The following BTNL9 variants were observed in gnomAD, a reference collection of about 807,000 sequenced individuals.
BTNL9 encodes butyrophilin-like protein 9.
BTNL9 carries 45 observed loss-of-function variants against 45.8 expected under a neutral mutation model. The ratio of observed to expected loss-of-function variants is 0.98; its 90% CI spans 0.77 to 1.26. The LOEUF is 1.26. Ranked by LOEUF, BTNL9 falls within the 50% of genes most tolerant of loss-of-function variation. The pLI is 0.00. For synonymous variants in BTNL9, 346 were observed against 330.8 expected, an observed-to-expected ratio of 1.05 and a Z score of -0.50; for missense variants, 784 against 729.7, an observed-to-expected ratio of 1.07 and a Z score of -0.86.
In BTNL9 at chr5:181,048,328, A is replaced by G. The variant is rs903473523; in HGVS notation, c.454+57A>G. ...AGAGGGAGATCCAGGTGCTTTGCCA[A>G]GTAGAGGTGGAGTCACAGAGAACAG... is the stretch of plus-strand genomic sequence containing the variant. On this transcript the variant is annotated intron_variant, in intron 3 of 10. Transcript: ENST00000327705. 9.0e-6 allele frequency: 13 copies of G among 1,449,984 alleles called. No individual in the cohort carries two copies. The African/African-American group carries it at 1.7e-4, about 19-fold the overall frequency. The allele number at this position is 1,449,984 out of a possible 1,614,324, so 89.8% of individuals were successfully genotyped here.
intron 4 of BTNL9, chr5:181,052,925 G>A (rs1761636359): frequency 6.6e-6 from 1 of 151,780 alleles, no homozygotes; most frequent in Non-Finnish European, 1.5e-5. Flanking sequence ...GAAGACGCGG[G>A]GCGAGGGCGG....
At position 181,060,157 on chromosome 5, in the gene BTNL9, T is replaced by C. The variant is rs1030489142; in HGVS notation, c.*295T>C. ...GTGGGCGGTGGGCAAGAAGCCAGCATGGAAGAAAGAAGGGAGAAAACTTTG... is the reference window on the plus strand; with the variant it reads ...GTGGGCGGTGGGCAAGAAGCCAGCACGGAAGAAAGAAGGGAGAAAACTTTG... On this transcript the variant is annotated 3_prime_UTR_variant, in exon 11 of 11. Transcript: ENST00000327705. The C allele has an allele frequency of 9.6e-6, 4 of 416,616 alleles. No homozygotes were observed. The highest frequency in any genetic ancestry group is 2.0e-5 in the African/African-American group (1 of 49,346). The allele number at this position is 416,616 out of a possible 1,614,324, so 25.8% of individuals were successfully genotyped here.
Position 181,059,694 on chromosome 5 carries a change from C to T in BTNL9, c.1440C>T (p.Gly480=). 1 of 1,613,664 alleles carries T rather than the reference C, an allele frequency of 6.2e-7. No homozygotes were observed. The change falls in exon 11 of 11, where the codon GGC becomes GGT. Residue 480 remains glycine (G), a synonymous_variant. Coordinates refer to ENST00000327705, the MANE Select transcript of BTNL9 (RefSeq NM_152547.5). ...TCACCTTCCACGACACCTTCTCGGG[C>T]GCGCTCTGTGCGTACTTCAGGCCCA... ...HIFTFHDTFS[G]ALCAYFRPRA... is the part of the protein sequence containing the mutation.
At position 181,060,224 on chromosome 5, in the gene BTNL9, A is replaced by G. The variant is rs1762097804; in HGVS notation, c.*362A>G. The G allele has an allele frequency of 4.4e-6, 1 of 225,830 alleles. No homozygotes were observed. Among genetic ancestry groups the G allele is most frequent in the Non-Finnish European group, 8.5e-6 (1 of 117,036 alleles). 14.0% of individuals were successfully genotyped at this position (225,830 alleles called of 1,614,324 possible). On this transcript the variant is annotated 3_prime_UTR_variant, in exon 11 of 11. Transcript: ENST00000327705. ...GATCAGTTAATTTGTATAGTTTTAT[A>G]TTTTTTGTATATGTTTGCTAGCTCT...
chr5:181,050,101 C>T lies in BTNL9; in HGVS notation c.468C>T (p.Asp156=), dbSNP rs1761452778. ...WELEVAGLGS[D]PHLSLEGFKE... ...TGCCTCCACCAGGGCTGGGCTCAGA[C>T]CCTCACCTCTCCCTTGAGGGCTTCA... Residue 156 remains aspartate (D), a synonymous_variant, in exon 4 of 11, where the codon GAC becomes GAT. Coordinates refer to ENST00000327705, the MANE Select transcript of BTNL9 (RefSeq NM_152547.5). The surrounding 1 kb of genome is among the most constrained non-coding windows in gnomAD (Gnocchi z 4.9). 1 of 1,613,728 alleles carries T rather than the reference C, an allele frequency of 6.2e-7. No homozygotes were observed. Among genetic ancestry groups the T allele is most frequent in the African/African-American group, 1.3e-5 (1 of 75,052 alleles).
At chr5:181,045,660 C>G (rs1194909684) in intron 2 of BTNL9, 62 bp downstream of exon 2, 32 of 1,316,350 alleles carry the variant, frequency 2.4e-5, no homozygotes, top group Non-Finnish European at 3.4e-5. Context: ...CAGGTGCTCC[C>G]CAGGGCTACG....
rs1761718483 is a variant in BTNL9, at chr5:181,053,822, C to T, written c.886+321C>T. On this transcript the variant is annotated intron_variant, in intron 6 of 10. Coordinates refer to ENST00000327705, the MANE Select transcript of BTNL9 (RefSeq NM_152547.5). This position sits in a 1 kb window ranked among gnomAD's most constrained non-coding sequence, Gnocchi z 6.5. ...ACCAGGGTCTCTGCTGCCAGCGCCA[C>T]CTCGTCCAGGTTTTCATAGCGCACA... 5.9e-6 allele frequency: 9 copies of T among 1,517,558 alleles called. No homozygotes were observed. The highest frequency in any genetic ancestry group is 2.0e-5 in the Admixed American group (1 of 50,410). The allele number at this position is 1,517,558 out of a possible 1,614,324, so 94.0% of individuals were successfully genotyped here. A position where few individuals can be genotyped will look rare whatever the true frequency, so the allele number is the denominator to read the frequency against.
rs1427187396 is a variant in BTNL9, at chr5:181,060,674, T to G, written c.*812T>G. 9 of 152,174 alleles carry G rather than the reference T, an allele frequency of 5.9e-5. No homozygotes were observed. Among genetic ancestry groups the G allele is most frequent in the Admixed American group, 4.6e-4 (7 of 15,274 alleles). 9.4% of individuals were successfully genotyped at this position (152,174 alleles called of 1,614,324 possible). A position where few individuals can be genotyped will look rare whatever the true frequency, so the allele number is the denominator to read the frequency against. ...TGAGAGTCTTGGAGAACAGGCTGTT[T>G]CCAGTCTCAAAGCAGTAACCTTATA... On this transcript the variant is annotated 3_prime_UTR_variant, in exon 11 of 11. Coordinates refer to ENST00000327705, the MANE Select transcript of BTNL9 (RefSeq NM_152547.5).
chr5:181,058,657 CAG>C (rs1163033812), intron 10 of BTNL9, among the ~76,000 whole-genome samples: 1 of 152,098 alleles, frequency 6.6e-6, no homozygotes, highest in African/African-American at 2.4e-5. Flanking sequence ...GGCGAGAGTG[CAG>C]AGTCTGTAAT....
At position 181,042,964 on chromosome 5, in the gene BTNL9, G is replaced by A. The variant is rs544999636; in HGVS notation, c.-23-2503G>A. 2.1e-4 allele frequency among the ~76,000 whole-genome samples: 32 copies of A among 152,240 alleles called. No homozygotes were observed. The highest frequency in any genetic ancestry group is 7.2e-4 in the African/African-American group (30 of 41,530). On this transcript the variant is annotated intron_variant, in intron 1 of 10. Coordinates refer to ENST00000327705, the MANE Select transcript of BTNL9 (RefSeq NM_152547.5). This position sits in a 1 kb window ranked among gnomAD's most constrained non-coding sequence, Gnocchi z 4.5. The stretch of plus-strand genomic sequence containing the variant: ...GGTGAGGAATCTGAATTCGAGAAGT[G>A]CAGAGCGAGGCTCTGGAACCAGACA...
At chr5:181,051,090 A>AAC (rs1761512688) in intron 4 of BTNL9, among the ~76,000 whole-genome samples, 1 of 19,220 alleles carries the variant, frequency 5.2e-5, no homozygotes. Flanking sequence ...AAAAAAAAAC[A>AAC]AAAAAAAAAA....
intron 1 of BTNL9, among the ~76,000 whole-genome samples, chr5:181,040,712 C>T (rs899446917): frequency 3.3e-5 from 5 of 152,292 alleles, no homozygotes; most frequent in African/African-American, 1.2e-4. Flanking sequence ...TGGGGCAGTC[C>T]ATCTTCCTTA....
In BTNL9 at chr5:181,050,038, T is replaced by C. The variant is rs1761448836; in HGVS notation, c.455-50T>C. The C allele has an allele frequency of 6.4e-7, 1 of 1,574,094 alleles. No homozygotes were observed. The highest frequency in any genetic ancestry group is 8.6e-7 in the Non-Finnish European group (1 of 1,159,290). On this transcript the variant is annotated intron_variant, in intron 3 of 10. Transcript: ENST00000327705. The surrounding 1 kb of genome is among the most constrained non-coding windows in gnomAD (Gnocchi z 4.9). ...TGAACAGTGGCAGGAATGTTATGCG[T>C]GATTTCTCAGAAGAAGCCTGACCTT... is the stretch of plus-strand genomic sequence containing the variant.
chr5:181,053,644 G>T lies in BTNL9; in HGVS notation c.886+143G>T. 5 of 1,541,286 alleles carry T rather than the reference G, an allele frequency of 3.2e-6. No homozygotes were observed. Among genetic ancestry groups the T allele is most frequent in the South Asian group, 1.2e-5 (1 of 82,842 alleles). On this transcript the variant is annotated intron_variant, in intron 6 of 10. Transcript: ENST00000327705. This position sits in a 1 kb window ranked among gnomAD's most constrained non-coding sequence, Gnocchi z 6.5. ...CCGGGGAACGGGGATCGGTGACCCC[G>T]GTGGGGAAGGGGGAAGATCGTTCAT...
intron 7 of BTNL9, 39 bp downstream of exon 7, chr5:181,054,298 C>T (rs1455227887): frequency 6.5e-7 from 1 of 1,537,376 alleles, no homozygotes; most frequent in Admixed American, 1.7e-5. Context: ...TGCCTGTCAG[C>T]CGGACCCTGT....
At chr5:181,057,485 A>G (rs1761942818) in intron 9 of BTNL9, among the ~76,000 whole-genome samples, 1 of 152,158 alleles carries the variant, frequency 6.6e-6, no homozygotes, top group Non-Finnish European at 1.5e-5. Flanking sequence ...TCTCTATATG[A>G]GTTTGTCCAT....
At position 181,059,651 on chromosome 5, in the gene BTNL9, C is replaced by A; in HGVS notation, c.1397C>A (p.Ser466Tyr). Residue 466 changes from serine (S) to tyrosine (Y), a missense_variant, in exon 11 of 11, where the codon TCC becomes TAC. Coordinates refer to ENST00000327705, the MANE Select transcript of BTNL9 (RefSeq NM_152547.5). ...EAGELSFFNVSDGSHIFTFHD... is the reference protein window; with the variant it reads ...EAGELSFFNVYDGSHIFTFHD... Reference sequence around the variant, plus strand: ...GGAGAGCTGTCCTTCTTCAACGTGTCCGACGGCTCCCACATCTTCACCTTC... The same window carrying A: ...GGAGAGCTGTCCTTCTTCAACGTGTACGACGGCTCCCACATCTTCACCTTC... The A allele has an allele frequency of 1.9e-6, 3 of 1,613,674 alleles. No homozygotes were observed. Among genetic ancestry groups the A allele is most frequent in the Non-Finnish European group, 2.5e-6 (3 of 1,179,948 alleles).
rs765399807 is a variant in BTNL9 at position 181,054,258 on chromosome 5, G to A, written c.906G>A (p.Leu302=). ...CTCTAGAGAAACTCACTGCAGAGCT[G>A]GGTAAGTTCTGGGTGCGGGGCCACA... The part of the protein sequence containing the change: ...EKRQEKLTAE[L]EKLQTELDWR... Residue 302 remains leucine, a splice_region_variant and synonymous_variant, in exon 7 of 11, where the codon CTG becomes CTA. Coordinates refer to ENST00000327705, the MANE Select transcript of BTNL9 (RefSeq NM_152547.5). 2.3e-5 allele frequency: 37 copies of A among 1,610,374 alleles called. No individual in the cohort carries two copies. The highest frequency in any genetic ancestry group is 1.9e-4 in the Middle Eastern group (1 of 5,184).
At chr5:181,052,634 G>A (rs1392619571) in intron 4 of BTNL9, among the ~76,000 whole-genome samples, 2 of 152,226 alleles carry the variant, frequency 1.3e-5, no homozygotes, top group Non-Finnish European at 2.9e-5. Flanking sequence ...TCCCTGCGCC[G>A]CTGGTGCTGT....
Sources: gnomAD v4.1 joint callset for allele counts (sites outside exome capture counted in the v4.1 genomes callset) on GRCh38, gnomAD v4.1.1 for gene constraint, Gnocchi (gnomAD v3.1) non-coding constraint, MANE v1.5 for transcripts, NCBI Gene and HGNC (gene_info 2026-07-23, HGNC 2026-07-21) for gene names.